KCNJ3: variants seen among roughly 807,000 people sequenced by gnomAD.
The protein encoded by KCNJ3 is potassium inwardly rectifying channel subfamily J member 3.
In KCNJ3, 4 loss-of-function variants were observed where a neutral mutation model predicts 39.2. The ratio of observed to expected loss-of-function variants is 0.10; its 90% CI spans 0.05 to 0.23. The LOEUF is 0.23. Ranked by LOEUF, KCNJ3 falls within the 10% of genes least tolerant of loss-of-function variation. The pLI, the probability that KCNJ3 is intolerant of heterozygous loss-of-function variation, is 1.00. For missense variants in KCNJ3, 276 were observed against 634.9 expected (o/e 0.43, Z 6.08); for synonymous variants, 230 against 237.4 (o/e 0.97, Z 0.29).
At chr2:154,814,677 G>GTATGT (rs1229410196) in intron 2 of KCNJ3, among the ~76,000 whole-genome samples, 2 of 151,916 alleles carry the variant, frequency 1.3e-5, no homozygotes, top group Non-Finnish European at 2.9e-5. Context: ...AATAAATGAA[G>GTATGT]TATGTTAAGG....
chr2:154,812,811 T>C (rs903495883), intron 2 of KCNJ3, among the ~76,000 whole-genome samples: 1 of 152,200 alleles, frequency 6.6e-6, no homozygotes, highest in Non-Finnish European at 1.5e-5. Flanking sequence ...ATAATTTGCT[T>C]TGCTAGGTCA....
At chr2:154,822,999 G>A (rs1471907648) in intron 2 of KCNJ3, among the ~76,000 whole-genome samples, 1 of 151,378 alleles carries the variant, frequency 6.6e-6, no homozygotes, top group Non-Finnish European at 1.5e-5. Flanking sequence ...TGTTTCTTAT[G>A]CATATGAATA....
intron 2 of KCNJ3, among the ~76,000 whole-genome samples, chr2:154,842,669 G>T (rs1402378572): frequency 1.3e-5 from 2 of 152,128 alleles, no homozygotes; most frequent in African/African-American, 4.8e-5. Flanking sequence ...TCTTCTTGTT[G>T]AATTGATTCC....
chr2:154,720,146 G>A (rs912214435), intron 2 of KCNJ3, among the ~76,000 whole-genome samples: 1 of 152,052 alleles, frequency 6.6e-6, no homozygotes, highest in Admixed American at 6.6e-5. Context: ...TGGAAGCAGA[G>A]TGCCATCAGA....
intron 2 of KCNJ3, among the ~76,000 whole-genome samples, chr2:154,831,861 T>C (rs1427318547): frequency 1.3e-5 from 2 of 152,176 alleles, no homozygotes; most frequent in African/African-American, 2.4e-5. Context: ...AGGTACATTA[T>C]AAATAAAATA....
intron 2 of KCNJ3, among the ~76,000 whole-genome samples, chr2:154,767,649 G>C (rs1037376759): frequency 3.9e-5 from 6 of 152,052 alleles, no homozygotes; most frequent in Non-Finnish European, 1.5e-5. Context: ...ATAAACATAC[G>C]TGTGCATGTG....
At chr2:154,777,612 T>C (rs1686361517) in intron 2 of KCNJ3, among the ~76,000 whole-genome samples, 2 of 152,236 alleles carry the variant, frequency 1.3e-5, no homozygotes, top group Non-Finnish European at 2.9e-5. Context: ...TTATTATTAG[T>C]TGAATCAATA....
intron 2 of KCNJ3, 126 bp downstream of exon 2, chr2:154,709,945 C>G: frequency 1.8e-6 from 2 of 1,119,472 alleles, no homozygotes; most frequent in Non-Finnish European, 2.5e-6. Flanking sequence ...AATGATTTGC[C>G]TTTCATTTCT....
chr2:154,779,506 T>TATA (rs1363685304), intron 2 of KCNJ3, among the ~76,000 whole-genome samples: 1 of 142,480 alleles, frequency 7.0e-6, no homozygotes, highest in Non-Finnish European at 1.6e-5. Context: ...ATTTTATATA[T>TATA]GTTATATATA....
rs980446540 is a variant in KCNJ3, at chr2:154,856,683, T to C, written c.*1370T>C. ...ACACTGATTTTATTGGTGTCTTAGA[T>C]CCCTAGTCTACCCAAATAATTTTAA... is the stretch of plus-strand genomic sequence containing the variant. On this transcript the variant is annotated 3_prime_UTR_variant, in exon 3 of 3. Coordinates refer to ENST00000295101, the MANE Select transcript of KCNJ3 (RefSeq NM_002239.4). The C allele has an allele frequency of 3.9e-5, 6 of 152,120 alleles. No homozygotes were observed. The highest frequency in any genetic ancestry group is 7.2e-5 in the African/African-American group (3 of 41,446). The allele number at this position is 152,120 out of a possible 1,614,324, so 9.4% of individuals were successfully genotyped here.
chr2:154,834,721 C>T (rs1687420704), intron 2 of KCNJ3, among the ~76,000 whole-genome samples: 1 of 150,454 alleles, frequency 6.6e-6, no homozygotes, highest in Non-Finnish European at 1.5e-5. Flanking sequence ...AGCGAGACTC[C>T]ATCTCAAAAA....
At chr2:154,756,041 T>C (rs552038014) in intron 2 of KCNJ3, among the ~76,000 whole-genome samples, 6 of 152,304 alleles carry the variant, frequency 3.9e-5, no homozygotes, top group African/African-American at 1.2e-4. Context: ...TTACTTTCAG[T>C]CTTCAGCACC....
At chr2:154,787,467 C>G (rs761556419) in intron 2 of KCNJ3, among the ~76,000 whole-genome samples, 87 of 152,266 alleles carry the variant, frequency 5.7e-4, no homozygotes, top group Non-Finnish European at 1.1e-3. Flanking sequence ...CCTCCTCCAC[C>G]ACTACAGCAA....
At chr2:154,712,338 C>T (rs1574430777) in intron 2 of KCNJ3, among the ~76,000 whole-genome samples, 1 of 152,250 alleles carries the variant, frequency 6.6e-6, no homozygotes, top group East Asian at 1.9e-4. Context: ...TCTCATAATA[C>T]GTATTGCCTA....
chr2:154,851,197 C>T (rs1461440281), intron 2 of KCNJ3, among the ~76,000 whole-genome samples: 1 of 151,854 alleles, frequency 6.6e-6, no homozygotes, highest in Non-Finnish European at 1.5e-5. Context: ...AGCTATGATC[C>T]CACCACTGCA....
At position 154,855,544 on chromosome 2, in the gene KCNJ3, C is replaced by T. The variant is rs1687822164; in HGVS notation, c.*231C>T. The T allele has an allele frequency of 5.3e-6, 2 of 375,446 alleles. No individual in the cohort carries two copies. The allele number at this position is 375,446 out of a possible 1,614,324, so 23.3% of individuals were successfully genotyped here. On this transcript the variant is annotated 3_prime_UTR_variant, in exon 3 of 3. Transcript: ENST00000295101. ...GGCATGTATTATCACATCAAGCATG[C>T]AATAATGTGCAAATTTTGCATTTAG...
chr2:154,727,797 G>A (rs1685385624), intron 2 of KCNJ3, among the ~76,000 whole-genome samples: 2 of 151,608 alleles, frequency 1.3e-5, no homozygotes, highest in African/African-American at 4.8e-5. Flanking sequence ...TACCTGCGAG[G>A]TCAGCTGTCA....
intron 2 of KCNJ3, among the ~76,000 whole-genome samples, chr2:154,772,463 G>A (rs540925317): frequency 9.9e-5 from 15 of 151,938 alleles, no homozygotes; most frequent in Admixed American, 3.3e-4. Flanking sequence ...ATGTGTTTTC[G>A]TGGGTATTAA....
chr2:154,758,504 G>T (rs1178398467), intron 2 of KCNJ3, among the ~76,000 whole-genome samples: 3 of 152,134 alleles, frequency 2.0e-5, no homozygotes, highest in African/African-American at 7.2e-5. Context: ...CTAACACAAT[G>T]TAAATGCTAT....
Sources: allele counts gnomAD v4.1 joint callset (sites outside exome capture counted in the v4.1 genomes callset), GRCh38; gene constraint gnomAD v4.1.1; transcripts MANE v1.5; gene names NCBI Gene and HGNC (gene_info 2026-07-23, HGNC 2026-07-21).